BCR: variants seen among roughly 807,000 people sequenced by gnomAD.
BCR encodes the protein BCR activator of RhoGEF and GTPase.
BCR carries 58 observed loss-of-function variants against 138.6 expected under a neutral mutation model. That is an observed-to-expected ratio of 0.42 (90% CI 0.34 to 0.52). The LOEUF is 0.52. Among genes scored for constraint, BCR ranks in the 20% least tolerant of loss-of-function variants. The probability of loss-of-function intolerance (pLI) is 0.06; values close to 1 mark genes in which losing one functional copy is unlikely to be tolerated. For missense variants in BCR, 1,599 were observed against 1,727.2 expected, an observed-to-expected ratio of 0.93 and a Z score of 1.32; for synonymous variants, 786 against 730.1, an observed-to-expected ratio of 1.08 and a Z score of -1.23.
At chr22:23,214,555 C>G (rs2072727064) in intron 1 of BCR, among the ~76,000 whole-genome samples, 1 of 152,208 alleles carries the variant, frequency 6.6e-6, no homozygotes. Context: ...TCTCTCTGCT[C>G]AGGCGGATTA....
chr22:23,303,450 A>AT (rs1555884553), intron 16 of BCR, among the ~76,000 whole-genome samples: 22 of 152,290 alleles, frequency 1.4e-4, no homozygotes, highest in Admixed American at 5.9e-4. Flanking sequence ...TCACCCATTC[A>AT]GGGGGGTCTC....
In BCR at chr22:23,295,009, C is replaced by A. The variant is rs768676939; in HGVS notation, c.2881-15C>A. ...TTTGTTCACACTGGACTTCCCTTCTCCCTTGGGGCTGCAGGAATTTGAGAT... is the reference window on the plus strand; with the variant it reads ...TTTGTTCACACTGGACTTCCCTTCTACCTTGGGGCTGCAGGAATTTGAGAT... On this transcript the variant is annotated splice_polypyrimidine_tract_variant and intron_variant, in intron 15 of 22. Transcript: ENST00000305877. 64 of 1,613,434 alleles carry A rather than the reference C, an allele frequency of 4.0e-5. 1 individual carries two copies. The South Asian group carries it at 6.4e-4, about 16-fold the overall frequency.
chr22:23,190,204 G>A (rs796405984), intron 1 of BCR, among the ~76,000 whole-genome samples: 2 of 151,890 alleles, frequency 1.3e-5, no homozygotes, highest in Non-Finnish European at 2.9e-5. Flanking sequence ...TTTCACTCTT[G>A]TCACCCAGAC....
chr22:23,225,683 G>T (rs1026117418), intron 1 of BCR, among the ~76,000 whole-genome samples: 2 of 152,242 alleles, frequency 1.3e-5, no homozygotes, highest in Admixed American at 6.5e-5. Flanking sequence ...GGGTGATGGG[G>T]TAGAATCACA....
At chr22:23,304,902 G>A (rs1009151684) in intron 16 of BCR, among the ~76,000 whole-genome samples, 3 of 152,140 alleles carry the variant, frequency 2.0e-5, no homozygotes, top group African/African-American at 7.2e-5. Context: ...ATTGCTTTAG[G>A]TCAGGAGTTC....
At position 23,244,593 on chromosome 22, in the gene BCR, G is replaced by A. The variant is rs2073133862; in HGVS notation, c.1280-9206G>A. 4.6e-5 allele frequency among the ~76,000 whole-genome samples: 7 copies of A among 152,278 alleles called. No homozygotes were observed. The South Asian group carries it at 1.5e-3, about 32-fold the overall frequency. On this transcript the variant is annotated intron_variant, in intron 1 of 22. Transcript: ENST00000305877. ...ATGGTTGCTGTGATGCCCACGTCACGTGACTCCATGGATTCCGCTGGCTCC... is the reference window on the plus strand; with the variant it reads ...ATGGTTGCTGTGATGCCCACGTCACATGACTCCATGGATTCCGCTGGCTCC...
chr22:23,290,489 G>A, intron 14 of BCR, 76 bp downstream of exon 14: 1 of 1,451,232 alleles, frequency 6.9e-7, no homozygotes, highest in Non-Finnish European at 9.7e-7. Context: ...ATCGGGCAGG[G>A]TGTGGGGAAA....
At chr22:23,256,669 CCACTGGGCT>C (rs1007832276) in intron 2 of BCR, among the ~76,000 whole-genome samples, 56 of 152,280 alleles carry the variant, frequency 3.7e-4, no homozygotes, top group African/African-American at 1.1e-3. Context: ...ACCCTGATCA[CCACTGGGCT>C]CCCCCAGATT....
At chr22:23,311,014 G>C (rs2074001328) in intron 18 of BCR, among the ~76,000 whole-genome samples, 1 of 150,916 alleles carries the variant, frequency 6.6e-6, no homozygotes, top group African/African-American at 2.4e-5. Context: ...TCCATCAGCA[G>C]CTCCCCCAGA....
At chr22:23,314,739 A>T in intron 22 of BCR, 25 bp downstream of exon 22, 1 of 1,611,488 alleles carries the variant, frequency 6.2e-7, no homozygotes, top group Non-Finnish European at 8.5e-7. Flanking sequence ...GCTCCAGCCC[A>T]TGCAACCCTG....
intron 12 of BCR, among the ~76,000 whole-genome samples, chr22:23,288,480 T>G: frequency 7.4e-6 from 1 of 135,242 alleles, no homozygotes. Flanking sequence ...CACACACCCC[T>G]GCCATCTCCC....
chr22:23,276,486 G>A (rs1488652111), intron 8 of BCR, among the ~76,000 whole-genome samples: 2 of 152,194 alleles, frequency 1.3e-5, no homozygotes, highest in African/African-American at 4.8e-5. Flanking sequence ...TCGCCCTGGT[G>A]GAGGGGCACT....
intron 8 of BCR, among the ~76,000 whole-genome samples, chr22:23,280,137 C>T (rs533889407): frequency 6.6e-6 from 1 of 152,360 alleles, no homozygotes; most frequent in African/African-American, 2.4e-5. Flanking sequence ...AGGGCCTCAG[C>T]ATAAATTCTG....
At chr22:23,270,353 A>G (rs970535082) in intron 5 of BCR, among the ~76,000 whole-genome samples, 14 of 152,154 alleles carry the variant, frequency 9.2e-5, no homozygotes, top group African/African-American at 3.1e-4. Flanking sequence ...CAGTTTGGGA[A>G]ATGCAGGGTT....
chr22:23,181,510 C>T lies in BCR; in HGVS notation c.550C>T (p.His184Tyr), dbSNP rs999874727. 3 of 1,612,374 alleles carry T rather than the reference C, an allele frequency of 1.9e-6. No individual in the cohort carries two copies. Among genetic ancestry groups the T allele is most frequent in the Admixed American group, 1.7e-5 (1 of 60,006 alleles). The change falls in exon 1 of 23, where the codon CAC (histidine) becomes TAC (tyrosine). Residue 184 changes from histidine to tyrosine, a missense_variant. This residue lies in a region of BCR where 806 missense variants were observed against 635.0 expected (regional missense o/e 1.27). Transcript: ENST00000305877. ...KPFYVNVEFH[H>Y]ERGLVKVNDK... The stretch of plus-strand genomic sequence containing the variant: ...CTTCTACGTGAACGTCGAGTTTCAC[C>T]ACGAGCGCGGCCTGGTGAAGGTCAA...
At chr22:23,275,743 G>C (rs1021261482) in intron 8 of BCR, among the ~76,000 whole-genome samples, 3 of 152,196 alleles carry the variant, frequency 2.0e-5, no homozygotes, top group Admixed American at 1.3e-4. Context: ...TGCTGGGTGG[G>C]TTCCTGCCAG....
At chr22:23,220,580 G>A (rs1490909395) in intron 1 of BCR, among the ~76,000 whole-genome samples, 1 of 152,182 alleles carries the variant, frequency 6.6e-6, no homozygotes, top group Non-Finnish European at 1.5e-5. Flanking sequence ...GCTGCCTGGG[G>A]AGTGCGTTTC....
intron 1 of BCR, among the ~76,000 whole-genome samples, chr22:23,197,908 G>C (rs1227794138): frequency 6.6e-6 from 1 of 152,048 alleles, no homozygotes; most frequent in Non-Finnish European, 1.5e-5. Context: ...TATGAGCCTG[G>C]GGATGGTGAG....
Position 23,314,038 on chromosome 22 carries a change from G to C in BCR, c.3528G>C (p.Leu1176=). ...TGCTGTCCCTGCCGGAGGCCAACCTGCTCACCTTCCTTTTCCTTCTGGACC... is the reference window on the plus strand; with the variant it reads ...TGCTGTCCCTGCCGGAGGCCAACCTCCTCACCTTCCTTTTCCTTCTGGACC... The part of the protein sequence containing the change: ...NLLLSLPEAN[L]LTFLFLLDHL... The change falls in exon 21 of 23, where the codon CTG becomes CTC. Residue 1176 remains leucine (L), a synonymous_variant. Transcript: ENST00000305877. 6.2e-7 allele frequency: 1 copy of C among 1,613,802 alleles called. No individual in the cohort carries two copies. Among genetic ancestry groups the C allele is most frequent in the Non-Finnish European group, 8.5e-7 (1 of 1,180,020 alleles).
Sources: allele counts gnomAD v4.1 joint callset (sites outside exome capture counted in the v4.1 genomes callset), GRCh38; gene constraint gnomAD v4.1.1; regional missense constraint gnomAD v4.1.1; transcripts MANE v1.5; gene names NCBI Gene and HGNC (gene_info 2026-07-23, HGNC 2026-07-21).